The following CC2D2A variants were observed in gnomAD, a reference collection of about 807,000 sequenced individuals.
The protein encoded by CC2D2A is coiled-coil and C2 domain containing 2A.
A neutral mutation model predicts 212.9 loss-of-function variants in CC2D2A; 155 were observed. The ratio of observed to expected loss-of-function variants is 0.73; its 90% confidence interval spans 0.64 to 0.83. The LOEUF is 0.83. Ranked by LOEUF, CC2D2A falls within the 40% of genes least tolerant of loss-of-function variation. The pLI, the probability that CC2D2A is intolerant of heterozygous loss-of-function variation, is 0.00. For synonymous variants in CC2D2A, 667 were observed against 686.5 expected (o/e 0.97, Z 0.44); for missense variants, 1,856 against 1,956.2 (o/e 0.95, Z 0.97).
At chr4:15,475,418 A>C (rs1034763517) in intron 1 of CC2D2A, among the ~76,000 whole-genome samples, 1 of 152,036 alleles carries the variant, frequency 6.6e-6, no homozygotes, top group Admixed American at 6.5e-5. Flanking sequence ...GGCCTGGAGG[A>C]GGAGGAATGA....
chr4:15,476,680 C>T (rs1309879850), intron 2 of CC2D2A, among the ~76,000 whole-genome samples: 5 of 152,186 alleles, frequency 3.3e-5, no homozygotes, highest in African/African-American at 7.2e-5. Context: ...GCCTGAAGCA[C>T]GCTGATTTCT....
At chr4:15,538,267 T>A in intron 16 of CC2D2A, 130 bp downstream of exon 16, 1 of 996,840 alleles carries the variant, frequency 1.0e-6, no homozygotes, top group Non-Finnish European at 1.4e-6. Context: ...GGAGTATCAT[T>A]AACTCTAAAT....
intron 8 of CC2D2A, 137 bp downstream of exon 8, chr4:15,511,560 C>A: frequency 1.3e-6 from 1 of 748,170 alleles, no homozygotes; most frequent in Non-Finnish European, 2.0e-6. Context: ...GAGTTGAAAT[C>A]CCAAGTACTG....
chr4:15,589,370 C>T (rs976850216), intron 32 of CC2D2A, among the ~76,000 whole-genome samples, 175 bp from the exon 33 acceptor site: 1 of 152,040 alleles, frequency 6.6e-6, no homozygotes, highest in Admixed American at 6.6e-5. Context: ...ACTAAGCATT[C>T]GACTTTACTT....
chr4:15,553,412 G>T lies in CC2D2A; in HGVS notation c.2486+107G>T, dbSNP rs553105885. ...TCATATTCTTTCCTTTTATTGTCAG[G>T]TGCCAGTATTTTCAAGAGTTTTTTA... On this transcript the variant is annotated intron_variant, in intron 19 of 36. Coordinates refer to ENST00000424120, the MANE Select transcript of CC2D2A (RefSeq NM_001378615.1). 3.2e-6 allele frequency: 4 copies of T among 1,269,292 alleles called. No homozygotes were observed. The African/African-American group carries it at 6.2e-5, about 20-fold the overall frequency. 78.6% of individuals were successfully genotyped at this position (1,269,292 alleles called of 1,614,324 possible).
At chr4:15,470,199 GT>G (rs1202128288) in intron 1 of CC2D2A, 142 bp downstream of exon 1, 1 of 152,120 alleles carries the variant, frequency 6.6e-6, no homozygotes, top group Non-Finnish European at 1.5e-5. Flanking sequence ...CGTTATTTAT[GT>G]TTTTACTTTC....
intron 36 of CC2D2A, among the ~76,000 whole-genome samples, chr4:15,600,656 A>G (rs1170357431): frequency 6.6e-6 from 1 of 152,036 alleles, no homozygotes; most frequent in Non-Finnish European, 1.5e-5. Flanking sequence ...TAACCCCAGC[A>G]CTTTGGGAGG....
chr4:15,595,749 G>C (rs926826746), intron 33 of CC2D2A: 8 of 162,548 alleles, frequency 4.9e-5, no homozygotes, highest in African/African-American at 1.9e-4. Flanking sequence ...TAGGAGGCTG[G>C]GAAGAGAAAG....
At chr4:15,581,306 T>G (rs1720655391) in intron 30 of CC2D2A, among the ~76,000 whole-genome samples, 1 of 152,220 alleles carries the variant, frequency 6.6e-6, no homozygotes, top group Non-Finnish European at 1.5e-5. Context: ...AGAAAATTTC[T>G]CCCAGTAGAG....
chr4:15,502,338 TG>T, intron 4 of CC2D2A, 90 bp from the exon 5 acceptor site: 1 of 985,898 alleles, frequency 1.0e-6, no homozygotes, highest in Non-Finnish European at 1.5e-6. Flanking sequence ...CCTTCCCTTT[TG>T]GGGGGAGGGA....
At chr4:15,580,227 T>G (rs1241993812) in intron 30 of CC2D2A, 56 bp downstream of exon 30, 1 of 1,291,144 alleles carries the variant, frequency 7.7e-7, no homozygotes. Context: ...CATTTCAATA[T>G]ATTGCCATTT....
Position 15,555,183 on chromosome 4 carries a change from C to G in CC2D2A, c.2598C>G (p.Asn866Lys). ...AESKLDPNDP[N>K]NAPLMQLISV... ...CCAAGCTCGACCCAAATGACCCCAACAATGCCCCTTTGATGCAGCTTATCT... is the reference window on the plus strand; with the variant it reads ...CCAAGCTCGACCCAAATGACCCCAAGAATGCCCCTTTGATGCAGCTTATCT... Residue 866 changes from asparagine (N) to lysine (K), a missense_variant, in exon 20 of 37, where the codon AAC becomes AAG. Asn to Lys is a moderately conservative substitution (Grantham distance 94). Transcript: ENST00000424120. 6.2e-7 allele frequency: 1 copy of G among 1,613,858 alleles called. No homozygotes were observed. The highest frequency in any genetic ancestry group is 8.5e-7 in the Non-Finnish European group (1 of 1,179,826).
rs999967687 is a variant in CC2D2A, at chr4:15,524,607, C to T, written c.1150-2840C>T. 1.2e-4 allele frequency among the ~76,000 whole-genome samples: 18 copies of T among 151,976 alleles called. No individual in the cohort carries two copies. In the East Asian group the frequency reaches 2.9e-3, roughly 25 times the overall value. On this transcript the variant is annotated intron_variant, in intron 11 of 36. Coordinates refer to ENST00000424120, the MANE Select transcript of CC2D2A (RefSeq NM_001378615.1). ...CTGGGACTACAGGTGCCCGCCACCA[C>T]GCTCGGCTAATTTTTTTGTATTTTC...
intron 29 of CC2D2A, chr4:15,576,438 A>G (rs910982584): frequency 3.2e-6 from 3 of 937,524 alleles, no homozygotes; most frequent in Non-Finnish European, 3.8e-6. Context: ...GGATGTTTTA[A>G]ACATATTTAC....
At chr4:15,510,449 A>G (rs1716508783) in intron 7 of CC2D2A, among the ~76,000 whole-genome samples, 1 of 152,132 alleles carries the variant, frequency 6.6e-6, no homozygotes, top group South Asian at 2.1e-4. Context: ...TACAAAAATT[A>G]GCCAGACATG....
intron 19 of CC2D2A, among the ~76,000 whole-genome samples, chr4:15,554,611 G>A (rs1375993285): frequency 6.6e-6 from 1 of 152,232 alleles, no homozygotes; most frequent in Non-Finnish European, 1.5e-5. Context: ...AGCAAGTAGA[G>A]GTTGCAGTGA....
intron 17 of CC2D2A, 143 bp downstream of exon 17, chr4:15,541,157 C>CA (rs879941888): frequency 0.029 from 12,287 of 428,738 alleles, no homozygotes; most frequent in Middle Eastern, 0.034. Context: ...ACTGTAAATA[C>CA]AAAAAAAAAA....
At chr4:15,557,810 T>C (rs1333780491) in intron 21 of CC2D2A, among the ~76,000 whole-genome samples, 1 of 152,202 alleles carries the variant, frequency 6.6e-6, no homozygotes, top group Admixed American at 6.5e-5. Flanking sequence ...GCTAATAATA[T>C]GGCTAGTTAA....
chr4:15,516,688 C>T lies in CC2D2A; in HGVS notation c.1081C>T (p.Pro361Ser), dbSNP rs748850069. 9 of 1,613,322 alleles carry T rather than the reference C, an allele frequency of 5.6e-6. No individual in the cohort carries two copies. The African/African-American group carries it at 1.1e-4, about 19-fold the overall frequency. Residue 361 changes from proline to serine, a missense_variant, in exon 11 of 37, where the codon CCT becomes TCT. Around this residue, in one of 5 missense-constraint regions of CC2D2A, gnomAD observed 1,512 missense variants for 1,579.3 expected, o/e 0.96. Transcript: ENST00000424120. The part of the protein sequence containing the change: ...LALPNPIKPF[P>S]SRPPVLTQEQ... ...TCTGCCAAACCCCATCAAGCCATTT[C>T]CTTCAAGGCCGCCAGTACTAACACA...
Sources: gnomAD v4.1 joint callset for allele counts (sites outside exome capture counted in the v4.1 genomes callset) on GRCh38, gnomAD v4.1.1 for gene constraint, gnomAD v4.1.1 regional missense constraint, MANE v1.5 for transcripts, NCBI Gene and HGNC (gene_info 2026-07-23, HGNC 2026-07-21) for gene names.